Variants in ERMP1 observed in about 807,000 individuals in gnomAD.
ERMP1 encodes the protein Felix-ina.
In ERMP1, 86 loss-of-function variants were observed where a neutral mutation model predicts 92.0. That is an observed-to-expected ratio of 0.93 (90% CI 0.79 to 1.12). The LOEUF (loss-of-function observed/expected upper bound fraction) is 1.12, where lower values mean the gene tolerates loss of function less well. ERMP1 is among the 50% of genes most tolerant of loss of function. ERMP1 has a pLI of 0.00. For synonymous variants in ERMP1, 530 were observed against 412.8 expected (o/e 1.28, Z -3.44); for missense variants, 1,342 against 1,116.3 (o/e 1.20, Z -2.88).
chr9:5,827,131 C>T (rs1467922771), intron 2 of ERMP1, among the ~76,000 whole-genome samples: 1 of 152,126 alleles, frequency 6.6e-6, no homozygotes, highest in African/African-American at 2.4e-5. Flanking sequence ...CTGTGGATAA[C>T]ATTACTCCTA....
At chr9:5,825,339 G>T in intron 2 of ERMP1, 120 bp from the exon 3 acceptor site, 2 of 916,816 alleles carry the variant, frequency 2.2e-6, no homozygotes, top group Non-Finnish European at 3.2e-6. Context: ...ATGACCAGAA[G>T]CATAGCTCTG....
rs144031866 is a variant in ERMP1 at position 5,802,437 on chromosome 9, T to C, written c.1915-1109A>G. ...TCTCGCTCTGTCACCCAGGCTGGAG[T>C]GCAGAGGCACGATCTCAGCTCACTG... On this transcript the variant is annotated intron_variant, in intron 10 of 14. Coordinates refer to ENST00000339450, the MANE Select transcript of ERMP1 (RefSeq NM_024896.3). 8.9e-3 allele frequency among the ~76,000 whole-genome samples: 1,355 copies of C among 152,254 alleles called. 20 individuals carry two copies. Among genetic ancestry groups the C allele is most frequent in the African/African-American group, 0.031 (1,307 of 41,542 alleles).
rs545496541 is a variant in ERMP1, at chr9:5,863,163, GT to G, written n.3056-3553del. 7.9e-5 allele frequency among the ~76,000 whole-genome samples: 12 copies of G among 152,326 alleles called. No individual in the cohort carries two copies. In the East Asian group the frequency reaches 2.1e-3, roughly 27 times the overall value. ...CTGCTATCTTAGGCTAGTACTGCCA[GT>G]TTAAAGGCCTCATTAGACATGTAAT... On this transcript the variant is annotated intron_variant and non_coding_transcript_variant, in intron 5 of 6. Coordinates refer to the ERMP1 transcript ENST00000690753.
At chr9:5,815,108 T>C (rs1829251670) in intron 4 of ERMP1, among the ~76,000 whole-genome samples, 1 of 152,166 alleles carries the variant, frequency 6.6e-6, no homozygotes, top group Non-Finnish European at 1.5e-5. Context: ...AGAAGATAAA[T>C]GTTTAAAGAC....
In ERMP1 at chr9:5,812,998, T is replaced by C; in HGVS notation, c.912A>G (p.Ser304=). 1 of 1,614,070 alleles carries C rather than the reference T, an allele frequency of 6.2e-7. No homozygotes were observed. Among genetic ancestry groups the C allele is most frequent in the South Asian group, 1.1e-5 (1 of 91,074 alleles). The part of the protein sequence containing the change: ...ENPWLVQAYV[S]AAKHPFASVV... ...CAGAAGCAAAAGGGTGTTTAGCTGC[T>C]GAAACATAAGCTTGAACCAACCAAG... Residue 304 remains serine (S), a synonymous_variant, in exon 5 of 15, where the codon TCA becomes TCG. Transcript: ENST00000339450.
Position 5,812,154 on chromosome 9 carries a change from C to G in ERMP1, c.1085G>C (p.Arg362Thr). Reference protein sequence around the residue: ...IYHTKYDTADRILTDSIQRAG... With the variant: ...IYHTKYDTADTILTDSIQRAG... ...TCTCTGAATGGAATCTGTTAGAATTCTGTCCGCTGTGTCATACTTGGTGTG... is the reference window on the plus strand; with the variant it reads ...TCTCTGAATGGAATCTGTTAGAATTGTGTCCGCTGTGTCATACTTGGTGTG... Residue 362 changes from arginine to threonine, a missense_variant, in exon 6 of 15, where the codon AGA becomes ACA. Coordinates refer to ENST00000339450, the MANE Select transcript of ERMP1 (RefSeq NM_024896.3). 1 of 1,610,696 alleles carries G rather than the reference C, an allele frequency of 6.2e-7. No homozygotes were observed.
chr9:5,808,826 C>A (rs1828969740), intron 8 of ERMP1, among the ~76,000 whole-genome samples: 2 of 152,318 alleles, frequency 1.3e-5, no homozygotes, highest in South Asian at 4.1e-4. Context: ...CAGCCTTGAT[C>A]TCATGGGCTC....
intron 2 of ERMP1, 58 bp downstream of exon 2, chr9:5,830,669 T>C: frequency 7.0e-7 from 1 of 1,428,904 alleles, no homozygotes; most frequent in Non-Finnish European, 9.5e-7. Flanking sequence ...CTTGGGGTTA[T>C]GTTAATAAAC....
chr9:5,795,170 G>T (rs1828364762), intron 13 of ERMP1, among the ~76,000 whole-genome samples: 1 of 152,108 alleles, frequency 6.6e-6, no homozygotes, highest in African/African-American at 2.4e-5. Context: ...ATATATGCAG[G>T]AAAAGCAACT....
In ERMP1 at chr9:5,833,103, GC is replaced by G; in HGVS notation, c.-77del. 1 of 1,274,344 alleles carries G rather than the reference GC, an allele frequency of 7.8e-7. No individual in the cohort carries two copies. The highest frequency in any genetic ancestry group is 1.0e-6 in the Non-Finnish European group (1 of 977,768). The allele number at this position is 1,274,344 out of a possible 1,614,324, so 78.9% of individuals were successfully genotyped here. On this transcript the variant is annotated 5_prime_UTR_variant, in exon 1 of 15. Transcript: ENST00000339450. The stretch of plus-strand genomic sequence containing the variant: ...GGCCGCCGCCGACGCCGCCGTCGCT[GC>G]CGCAGCGCCTCCTAGTGAGCGGACG...
chr9:5,818,558 G>C (rs1563764828), intron 4 of ERMP1, among the ~76,000 whole-genome samples: 1 of 151,740 alleles, frequency 6.6e-6, no homozygotes, highest in African/African-American at 2.4e-5. Flanking sequence ...TCTACAAAAA[G>C]TAAAAAACTG....
chr9:5,812,884 TATACCTGGAATGTTCCCAAA>T lies in ERMP1; in HGVS notation c.1006_1021+4del. On this transcript the variant is annotated splice_donor_variant and splice_donor_region_variant and coding_sequence_variant and intron_variant, in exon 5 of 15. Coordinates refer to ENST00000339450, the MANE Select transcript of ERMP1 (RefSeq NM_024896.3). LOFTEE classifies it high-confidence loss of function. ...CACAGTAGGCCGTAACCATTGACAA[TATACCTGGAATGTTCCCAAA>T]ATCCCTGTAGATACGAAAGTCAGTA... 6.2e-7 allele frequency: 1 copy of T among 1,613,954 alleles called. No homozygotes were observed. Among genetic ancestry groups the T allele is most frequent in the Non-Finnish European group, 8.5e-7 (1 of 1,179,862 alleles).
chr9:5,840,020 T>C (rs1830142301), intron 6 of ERMP1, among the ~76,000 whole-genome samples: 3 of 152,176 alleles, frequency 2.0e-5, no homozygotes, highest in Non-Finnish European at 4.4e-5. Flanking sequence ...GGTGGGCGAA[T>C]CACTTGAGGT....
At chr9:5,820,235 G>A (rs1400793558) in intron 4 of ERMP1, among the ~76,000 whole-genome samples, 3 of 152,042 alleles carry the variant, frequency 2.0e-5, no homozygotes, top group Non-Finnish European at 2.9e-5. Context: ...GGAGGCAGAG[G>A]GTGCAGTGAG....
intron 6 of ERMP1, among the ~76,000 whole-genome samples, chr9:5,839,963 C>G (rs575187985): frequency 6.6e-6 from 1 of 152,274 alleles, no homozygotes; most frequent in South Asian, 2.1e-4. Context: ...AAGTCTAGGC[C>G]GGGCACGGTG....
chr9:5,791,942 G>T (rs930291886), intron 13 of ERMP1, among the ~76,000 whole-genome samples: 1 of 152,158 alleles, frequency 6.6e-6, no homozygotes, highest in South Asian at 2.1e-4. Flanking sequence ...ATACACAAAG[G>T]GAGGAAGAAG....
intron 6 of ERMP1, among the ~76,000 whole-genome samples, chr9:5,838,157 T>C (rs1029397139): frequency 6.6e-6 from 1 of 152,226 alleles, no homozygotes; most frequent in Admixed American, 6.5e-5. Context: ...GCAAACATTT[T>C]ATTTCTAGGC....
intron 6 of ERMP1, among the ~76,000 whole-genome samples, chr9:5,856,944 TG>T (rs550154896): frequency 1.3e-3 from 204 of 152,302 alleles, no homozygotes; most frequent in African/African-American, 4.7e-3. Context: ...TGACCAGTCT[TG>T]GGGGCCATTT....
intron 2 of ERMP1, among the ~76,000 whole-genome samples, chr9:5,828,823 T>C (rs1191693406): frequency 1.3e-5 from 2 of 152,190 alleles, no homozygotes; most frequent in African/African-American, 4.8e-5. Context: ...TGCTAATTCT[T>C]GTATATACAG....
Sources: gnomAD v4.1 joint callset for allele counts (sites outside exome capture counted in the v4.1 genomes callset) on GRCh38, gnomAD v4.1.1 for gene constraint, MANE v1.5 for transcripts, NCBI Gene and HGNC (gene_info 2026-07-23, HGNC 2026-07-21) for gene names.